The following SLC29A4 variants were observed in gnomAD, a reference collection of about 807,000 sequenced individuals.
SLC29A4 encodes the protein solute carrier family 29 member 4.
Under a neutral mutation model 43.9 loss-of-function variants are expected in SLC29A4, and 36 were observed. The observed-to-expected ratio is 0.82, with a 90% CI of 0.63 to 1.08. SLC29A4 has a LOEUF of 1.08. SLC29A4 is among the 50% of genes least tolerant of loss of function. The probability of loss-of-function intolerance (pLI) is 0.00; values close to 1 mark genes in which losing one functional copy is unlikely to be tolerated. For missense variants in SLC29A4, 869 were observed against 755.3 expected (o/e 1.15, Z -1.77); for synonymous variants, 491 against 338.0 (o/e 1.45, Z -4.97).
chr7:5,293,163 T>TC, intron 5 of SLC29A4, among the ~76,000 whole-genome samples: 2 of 103,510 alleles, frequency 1.9e-5, no homozygotes, highest in African/African-American at 1.3e-4. Context: ...TTTTTTTCTC[T>TC]TTTTTTTTTT....
chr7:5,291,072 A>G (rs1336507605), intron 3 of SLC29A4, 52 bp from the exon 4 acceptor site: 1 of 1,592,758 alleles, frequency 6.3e-7, no homozygotes, highest in Non-Finnish European at 8.6e-7. Context: ...GGCAGGAGTC[A>G]GTGCAGGGGG....
At chr7:5,301,751 G>C (rs934337798) in intron 10 of SLC29A4, among the ~76,000 whole-genome samples, 1 of 152,162 alleles carries the variant, frequency 6.6e-6, no homozygotes, top group African/African-American at 2.4e-5. Context: ...GGGTTGAGAG[G>C]TAGGGTGTGG....
intron 1 of SLC29A4, among the ~76,000 whole-genome samples, chr7:5,284,032 A>ACCCCCCCCCCCCCCCCCCCCCCCC (rs79051188): frequency 2.8e-5 from 2 of 72,248 alleles, no homozygotes; most frequent in Non-Finnish European, 5.9e-5. Flanking sequence ...GAGCTGCACG[A>ACCCCCCCCCCCCCCCCCCCCCCCC]CCCCCCCCCC....
intron 7 of SLC29A4, 108 bp from the exon 8 acceptor site, chr7:5,298,880 T>A: frequency 8.0e-7 from 1 of 1,253,186 alleles, no homozygotes; most frequent in Non-Finnish European, 1.1e-6. Context: ...ACCACCTGAA[T>A]GTCAGCGCCA....
intron 9 of SLC29A4, among the ~76,000 whole-genome samples, chr7:5,299,681 A>G (rs7780751): frequency 0.55 from 83,214 of 152,042 alleles, 22,988 homozygotes; most frequent in South Asian, 0.68. Context: ...TCGCCTCACG[A>G]TCACAGGTCC....
At chr7:5,284,730 C>A (rs1228257432) in intron 1 of SLC29A4, among the ~76,000 whole-genome samples, 1 of 152,162 alleles carries the variant, frequency 6.6e-6, no homozygotes, top group African/African-American at 2.4e-5. Context: ...GGTCCCCACC[C>A]CCTCCACCAT....
chr7:5,283,447 C>A (rs1355284461), intron 1 of SLC29A4, among the ~76,000 whole-genome samples: 1 of 151,488 alleles, frequency 6.6e-6, no homozygotes, highest in African/African-American at 2.4e-5. Context: ...AAAAAGCGGC[C>A]GGGAGAGGCG....
rs532304175 is a variant in SLC29A4 at position 5,283,402 on chromosome 7, TC to T, written c.-9+324del. Among the ~76,000 whole-genome samples, 4 of 150,936 alleles carry T rather than the reference TC, an allele frequency of 2.7e-5. No individual in the cohort carries two copies. The South Asian group carries it at 8.5e-4, about 32-fold the overall frequency. ...GGACCCCCCCGCGCCACCCCATCGC[TC>T]CCCTGCCCCCGCCGGCCCCTTCCTC... is the stretch of plus-strand genomic sequence containing the variant. On this transcript the variant is annotated intron_variant, in intron 1 of 10. Transcript: ENST00000396872.
rs746540760 is a variant in SLC29A4, at chr7:5,297,123, C to T, written c.807C>T (p.His269=). ...ATACCACACGGCCGCGTGACAGCCA[C>T]CGGGGCAGGCCAGGCCTGGGCAGGG... is the stretch of plus-strand genomic sequence containing the variant. ...LFYTTRPRDS[H]RGRPGLGRGY... is the part of the protein sequence containing the mutation. Residue 269 remains histidine, a synonymous_variant, in exon 7 of 11, where the codon CAC becomes CAT. Transcript: ENST00000396872. 3 of 1,606,504 alleles carry T rather than the reference C, an allele frequency of 1.9e-6. No individual in the cohort carries two copies. Among genetic ancestry groups the T allele is most frequent in the Non-Finnish European group, 2.5e-6 (3 of 1,179,622 alleles).
At chr7:5,293,609 G>C (rs1785454540) in intron 5 of SLC29A4, among the ~76,000 whole-genome samples, 1 of 151,910 alleles carries the variant, frequency 6.6e-6, no homozygotes, top group Non-Finnish European at 1.5e-5. Flanking sequence ...CAATACTACT[G>C]TTCTGTTTTG....
rs895915705 is a variant in SLC29A4, at chr7:5,297,216, A to C, written c.882+18A>C. ...TCCACTTCGTAAGTGCGCACCGCCCACCTCTGTTCCCTTCTCTGTCCCCTT... is the reference window on the plus strand; with the variant it reads ...TCCACTTCGTAAGTGCGCACCGCCCCCCTCTGTTCCCTTCTCTGTCCCCTT... On this transcript the variant is annotated intron_variant, in intron 7 of 10. Coordinates refer to ENST00000396872, the MANE Select transcript of SLC29A4 (RefSeq NM_153247.4). 2 of 1,550,516 alleles carry C rather than the reference A, an allele frequency of 1.3e-6. No homozygotes were observed. Among genetic ancestry groups the C allele is most frequent in the East Asian group, 4.5e-5 (2 of 43,964 alleles).
rs1554265166 is a variant in SLC29A4, at chr7:5,306,807, A to AAT, written c.*3869_*3870dup. 1 of 151,976 alleles carries AAT rather than the reference A, an allele frequency of 6.6e-6. No homozygotes were observed. Among genetic ancestry groups the AAT allele is most frequent in the Non-Finnish European group, 1.5e-5 (1 of 67,980 alleles). 9.4% of individuals were successfully genotyped at this position (151,976 alleles called of 1,614,324 possible). A position where few individuals can be genotyped will look rare whatever the true frequency, so the allele number is the denominator to read the frequency against. On this transcript the variant is annotated 3_prime_UTR_variant, in exon 11 of 11. Coordinates refer to ENST00000396872, the MANE Select transcript of SLC29A4 (RefSeq NM_153247.4). ...CCAGACAATTTTATTTTTCCAATTA[A>AAT]ATCTTTTCTTTTTTTTTATGAAAAA...
intron 6 of SLC29A4, among the ~76,000 whole-genome samples, chr7:5,295,730 C>G (rs1356981239): frequency 2.2e-5 from 2 of 91,916 alleles, no homozygotes; most frequent in Admixed American, 1.0e-4. Context: ...AACCCTCTGC[C>G]TGGTGCTGAG....
rs772035184 is a variant in SLC29A4, at chr7:5,300,563, A to G, written c.1351A>G (p.Ile451Val). The G allele has an allele frequency of 9.9e-6, 16 of 1,612,392 alleles. No homozygotes were observed. The highest frequency in any genetic ancestry group is 1.3e-5 in the Non-Finnish European group (15 of 1,179,702). The change falls in exon 10 of 11, where the codon ATC becomes GTC. Residue 451 changes from isoleucine (I) to valine (V), a missense_variant. Ile to Val is a conservative substitution (Grantham distance 29, BLOSUM62 3). Transcript: ENST00000396872. Reference protein sequence around the residue: ...PALRHPAWPCIFSLLMGISNG... With the variant: ...PALRHPAWPCVFSLLMGISNG... ...CCTCCGTCACCCCGCCTGGCCCTGC[A>G]TCTTCTCACTGCTCATGGGCATCAG...
chr7:5,283,198 C>A (rs1038741402), intron 1 of SLC29A4, 116 bp downstream of exon 1: 6 of 145,054 alleles, frequency 4.1e-5, no homozygotes, highest in African/African-American at 1.5e-4. Context: ...TGCCCCCTCT[C>A]CCCAGCCCGC....
chr7:5,289,015 G>C (rs1785140043), intron 2 of SLC29A4, among the ~76,000 whole-genome samples: 1 of 152,182 alleles, frequency 6.6e-6, no homozygotes, highest in Non-Finnish European at 1.5e-5. Flanking sequence ...AATCTTGCTT[G>C]GGCCTGTCCC....
At chr7:5,283,508 G>T (rs1443279873) in intron 1 of SLC29A4, among the ~76,000 whole-genome samples, 2 of 152,274 alleles carry the variant, frequency 1.3e-5, no homozygotes, top group South Asian at 2.1e-4. Context: ...TCTGTCCTTT[G>T]CCTGGGGGCG....
At chr7:5,284,089 G>A (rs1562437412) in intron 1 of SLC29A4, among the ~76,000 whole-genome samples, 1 of 137,986 alleles carries the variant, frequency 7.2e-6, no homozygotes. Flanking sequence ...TCCCTGCAAA[G>A]TGGTGAGGGG....
chr7:5,287,076 C>G (rs1210561349), intron 1 of SLC29A4, among the ~76,000 whole-genome samples: 1 of 152,232 alleles, frequency 6.6e-6, no homozygotes, highest in African/African-American at 2.4e-5. Context: ...TTCTCCTCCC[C>G]TCTGACCCCT....
Sources: allele counts gnomAD v4.1 joint callset (sites outside exome capture counted in the v4.1 genomes callset), GRCh38; gene constraint gnomAD v4.1.1; transcripts MANE v1.5; gene names NCBI Gene and HGNC (gene_info 2026-07-23, HGNC 2026-07-21).